The following PDE7B variants were observed in gnomAD, a reference collection of about 807,000 sequenced individuals.
PDE7B encodes phosphodiesterase 7B.
In PDE7B, 29 loss-of-function variants were observed where a neutral mutation model predicts 56.2. The observed-to-expected ratio is 0.52, with a 90% confidence interval of 0.38 to 0.70. The LOEUF is 0.70. Ranked by LOEUF, PDE7B falls within the 30% of genes least tolerant of loss-of-function variation. The pLI, the probability that PDE7B is intolerant of heterozygous loss-of-function variation, is 0.00. For synonymous variants in PDE7B, 197 were observed against 196.9 expected, an observed-to-expected ratio of 1.00 and a Z score of 0.00; for missense variants, 490 against 565.0, an observed-to-expected ratio of 0.87 and a Z score of 1.35.
At chr6:135,964,389 G>A (rs1774958550) in intron 2 of PDE7B, among the ~76,000 whole-genome samples, 1 of 152,146 alleles carries the variant, frequency 6.6e-6, no homozygotes, top group Non-Finnish European at 1.5e-5. Context: ...AGAGGCATAA[G>A]CCACCATGCC....
intron 2 of PDE7B, among the ~76,000 whole-genome samples, chr6:135,984,291 GTTTTTTTGTTTGT>G (rs1554271461): frequency 2.5e-4 from 38 of 152,044 alleles, no homozygotes; most frequent in East Asian, 1.7e-3. Flanking sequence ...CAATTGTTTT[GTTTTTTTGTTTGT>G]TTTTTTTGTT....
intron 1 of PDE7B, among the ~76,000 whole-genome samples, chr6:135,926,253 A>AT (rs372149936): frequency 3.3e-5 from 5 of 151,722 alleles, no homozygotes; most frequent in East Asian, 3.9e-4. Flanking sequence ...CGCCCAGCTA[A>AT]TTTTTTTGTA....
intron 1 of PDE7B, among the ~76,000 whole-genome samples, chr6:135,888,139 TATG>T (rs1775741901): frequency 6.6e-6 from 1 of 152,208 alleles, no homozygotes. Flanking sequence ...ACGTAATTGC[TATG>T]ATACCTCTAT....
chr6:136,092,749 G>A (rs997044913), intron 2 of PDE7B, among the ~76,000 whole-genome samples: 5 of 151,994 alleles, frequency 3.3e-5, no homozygotes, highest in South Asian at 2.1e-4. Context: ...CAACAAGAGC[G>A]AGACTGTCTC....
chr6:136,189,289 C>T (rs1252967063), intron 12 of PDE7B, among the ~76,000 whole-genome samples: 3 of 152,188 alleles, frequency 2.0e-5, no homozygotes, highest in African/African-American at 7.2e-5. Flanking sequence ...ATTAGCCAGG[C>T]GGGGTGACTC....
chr6:136,030,437 T>C (rs1056180953), intron 2 of PDE7B, among the ~76,000 whole-genome samples: 13 of 151,996 alleles, frequency 8.6e-5, no homozygotes, highest in African/African-American at 2.7e-4. Flanking sequence ...GATTCAACTT[T>C]TGTGCTGTGT....
intron 2 of PDE7B, among the ~76,000 whole-genome samples, chr6:136,067,203 C>A (rs1583862046): frequency 1.3e-5 from 2 of 152,284 alleles, no homozygotes; most frequent in East Asian, 3.9e-4. Flanking sequence ...GGGAATGTAT[C>A]TTTCTCCTTC....
intron 3 of PDE7B, among the ~76,000 whole-genome samples, chr6:136,124,824 A>G (rs187902603): frequency 2.9e-4 from 44 of 152,342 alleles, no homozygotes; most frequent in African/African-American, 1.0e-3. Context: ...GTTAAATTAT[A>G]TATAACATGC....
At position 136,048,093 on chromosome 6, in the gene PDE7B, C is replaced by T. The variant is rs201415158; in HGVS notation, c.83-60638C>T. On this transcript the variant is annotated intron_variant, in intron 2 of 12. Transcript: ENST00000308191. ...ATGGGTGGATGGATAGATAGATAGA[C>T]AGACAGACAGACAGACAGATAGATA... Among the ~76,000 whole-genome samples, 158 of 71,476 alleles carry T rather than the reference C, an allele frequency of 2.2e-3. 1 individual carries two copies. The highest frequency in any genetic ancestry group is 0.013 in the East Asian group (26 of 1,976). 46.9% of individuals were successfully genotyped at this position (71,476 alleles called of 152,430 possible). A position where few individuals can be genotyped will look rare whatever the true frequency, so the allele number is the denominator to read the frequency against.
chr6:136,036,786 T>C (rs1776331488), intron 2 of PDE7B, among the ~76,000 whole-genome samples: 1 of 152,196 alleles, frequency 6.6e-6, no homozygotes, highest in South Asian at 2.1e-4. Context: ...CACTTTGCAA[T>C]GTGGAGACGT....
chr6:136,082,225 A>C (rs1369260611), intron 2 of PDE7B, among the ~76,000 whole-genome samples: 2 of 152,088 alleles, frequency 1.3e-5, no homozygotes. Flanking sequence ...CTCATGACCA[A>C]CCTCTCACCA....
intron 7 of PDE7B, 140 bp from the exon 8 acceptor site, chr6:136,155,487 T>G: frequency 2.9e-6 from 2 of 693,302 alleles, no homozygotes; most frequent in South Asian, 3.7e-5. Flanking sequence ...ATCACCTCAT[T>G]TAATGCTTCA....
chr6:135,982,237 G>A (rs774620601), intron 2 of PDE7B, among the ~76,000 whole-genome samples: 7 of 152,254 alleles, frequency 4.6e-5, no homozygotes, highest in East Asian at 3.9e-4. Flanking sequence ...AGGACCTACC[G>A]CTTTGTAGAA....
chr6:135,945,471 C>T (rs527716624), intron 1 of PDE7B, among the ~76,000 whole-genome samples: 5 of 122,064 alleles, frequency 4.1e-5, no homozygotes, highest in African/African-American at 1.6e-4. Context: ...TATCACTGAA[C>T]CAACTGTCCA....
intron 2 of PDE7B, among the ~76,000 whole-genome samples, chr6:135,980,296 T>C (rs1364085591): frequency 2.0e-5 from 3 of 152,160 alleles, no homozygotes; most frequent in African/African-American, 7.2e-5. Flanking sequence ...CAATTCAAGA[T>C]GGATTAAAGA....
At chr6:135,953,376 A>G (rs1167217641) in intron 2 of PDE7B, among the ~76,000 whole-genome samples, 3 of 152,152 alleles carry the variant, frequency 2.0e-5, no homozygotes, top group Non-Finnish European at 4.4e-5. Flanking sequence ...GTTGGTAGAA[A>G]GAACAGGGCA....
At chr6:136,112,966 G>C (rs993557579) in intron 3 of PDE7B, among the ~76,000 whole-genome samples, 2 of 152,066 alleles carry the variant, frequency 1.3e-5, no homozygotes. Flanking sequence ...TTCCCAGAGT[G>C]TCCTGATTTG....
intron 6 of PDE7B, among the ~76,000 whole-genome samples, chr6:136,153,029 C>T (rs1263980309): frequency 6.6e-6 from 1 of 152,176 alleles, no homozygotes; most frequent in African/African-American, 2.4e-5. Context: ...AATATACCTG[C>T]TGAATAAAAA....
intron 2 of PDE7B, among the ~76,000 whole-genome samples, chr6:136,052,146 G>A (rs550663994): frequency 6.6e-6 from 1 of 151,720 alleles, no homozygotes; most frequent in African/African-American, 2.4e-5. Flanking sequence ...TAAAATGTAA[G>A]TACACAAGCA....
Sources: allele counts gnomAD v4.1 joint callset (sites outside exome capture counted in the v4.1 genomes callset), GRCh38; gene constraint gnomAD v4.1.1; transcripts MANE v1.5; gene names NCBI Gene and HGNC (gene_info 2026-07-23, HGNC 2026-07-21).